Variants in ZC3H12B observed in about 807,000 individuals in gnomAD.
The protein encoded by ZC3H12B is probable ribonuclease ZC3H12B.
A neutral mutation model predicts 43.9 loss-of-function variants in ZC3H12B; 7 were observed. The observed-to-expected ratio is 0.16, with a 90% CI of 0.09 to 0.30. The LOEUF (loss-of-function observed/expected upper bound fraction) is 0.30. Ranked by LOEUF, ZC3H12B falls within the 10% of genes least tolerant of loss-of-function variation. The pLI, the probability that ZC3H12B is intolerant of heterozygous loss-of-function variation, is 1.00. For synonymous variants in ZC3H12B, 222 were observed against 241.7 expected (o/e 0.92, Z 0.76); for missense variants, 475 against 670.2 (o/e 0.71, Z 3.22).
chrX:65,212,314 T>A, the ZC3H12B span, among the ~76,000 whole-genome samples: 107 of 3,088 alleles, frequency 0.035, 3 homozygotes, highest in African/African-American at 0.13. Context: ...ATAATATAAT[T>A]ATTATATTTA....
the ZC3H12B span, among the ~76,000 whole-genome samples, chrX:65,219,060 CA>C: frequency 5.7e-4 from 63 of 111,399 alleles, 1 homozygote; most frequent in Admixed American, 8.6e-4. Context: ...TGGCTAGATC[CA>C]GAAGAGAAAT....
chrX:65,128,694 A>G, the ZC3H12B span, among the ~76,000 whole-genome samples: 9 of 111,838 alleles, frequency 8.0e-5, no homozygotes, highest in East Asian at 1.7e-3. Flanking sequence ...TTTCTTTTCA[A>G]TTCTCCTAGT....
the ZC3H12B span, among the ~76,000 whole-genome samples, chrX:65,149,755 C>G: frequency 3.3e-5 from 3 of 90,937 alleles, no homozygotes; most frequent in Non-Finnish European, 6.5e-5. Context: ...CAGAGTGAGA[C>G]TTAATCTCAA....
intron 3 of ZC3H12B, among the ~76,000 whole-genome samples, chrX:65,477,018 G>C (rs1426875837): frequency 1.0e-5 from 1 of 95,569 alleles, no homozygotes; most frequent in Non-Finnish European, 2.0e-5. Flanking sequence ...ATTTTTTGTA[G>C]AGATGCAGTT....
chrX:65,042,617 TG>T, the ZC3H12B span, among the ~76,000 whole-genome samples: 3 of 112,291 alleles, frequency 2.7e-5, no homozygotes, highest in Non-Finnish European at 5.6e-5. Context: ...AGAAATGCTT[TG>T]TGTAAGATGT....
At chrX:65,345,636 T>A in the ZC3H12B span, among the ~76,000 whole-genome samples, 72 of 110,681 alleles carry the variant, frequency 6.5e-4, no homozygotes, top group African/African-American at 2.3e-3. Context: ...GTACAACACA[T>A]CCCCATGACA....
At chrX:65,144,817 C>T in the ZC3H12B span, among the ~76,000 whole-genome samples, 2 of 111,515 alleles carry the variant, frequency 1.8e-5, no homozygotes, top group Admixed American at 9.5e-5. Context: ...TTTTATTCCA[C>T]TGTGGTCTGA....
At chrX:65,098,701 C>T in the ZC3H12B span, among the ~76,000 whole-genome samples, 1 of 110,646 alleles carries the variant, frequency 9.0e-6, no homozygotes, top group Non-Finnish European at 1.9e-5. Flanking sequence ...CTATCTGGCC[C>T]AGATAATACA....
the ZC3H12B span, among the ~76,000 whole-genome samples, chrX:65,039,777 T>C: frequency 8.9e-6 from 1 of 111,936 alleles, no homozygotes; most frequent in Non-Finnish European, 1.9e-5. Context: ...TCTTTTAAAA[T>C]ACTGTGACTA....
intron 3 of ZC3H12B, among the ~76,000 whole-genome samples, chrX:65,465,796 T>C (rs771862125): frequency 7.8e-4 from 87 of 110,900 alleles, no homozygotes; most frequent in Middle Eastern, 4.7e-3. Context: ...TTCTGCAGGT[T>C]ATATTAACAT....
chrX:65,057,105 A>G, the ZC3H12B span, among the ~76,000 whole-genome samples: 16 of 111,723 alleles, frequency 1.4e-4, no homozygotes, highest in African/African-American at 4.6e-4. Context: ...TAATATTGTT[A>G]TGTGTGAATT....
At chrX:65,154,470 G>T in the ZC3H12B span, among the ~76,000 whole-genome samples, 1 of 111,624 alleles carries the variant, frequency 9.0e-6, no homozygotes, top group Admixed American at 9.5e-5. Flanking sequence ...ATAATAATTT[G>T]TCAATAATTT....
the ZC3H12B span, among the ~76,000 whole-genome samples, chrX:65,135,302 C>G: frequency 3.2e-4 from 35 of 110,455 alleles, no homozygotes; most frequent in Admixed American, 9.6e-4. Context: ...TTGGAAAACT[C>G]AAGAGGAGAA....
At chrX:65,409,330 G>A (rs2066875188) in intron 3 of ZC3H12B, among the ~76,000 whole-genome samples, 1 of 110,688 alleles carries the variant, frequency 9.0e-6, no homozygotes, top group Non-Finnish European at 1.9e-5. Flanking sequence ...CAGCTCCACA[G>A]CAAGTATCAT....
At chrX:65,183,275 G>A in the ZC3H12B span, among the ~76,000 whole-genome samples, 1 of 111,842 alleles carries the variant, frequency 8.9e-6, no homozygotes, top group Non-Finnish European at 1.9e-5. Context: ...CAACATGGAT[G>A]GAGTTGGGTA....
chrX:65,114,026 T>TA, the ZC3H12B span, among the ~76,000 whole-genome samples: 1 of 82,590 alleles, frequency 1.2e-5, no homozygotes, highest in East Asian at 4.6e-4. Context: ...TATATATATA[T>TA]TCATCTTTAG....
At chrX:65,335,867 A>G in the ZC3H12B span, among the ~76,000 whole-genome samples, 1 of 112,108 alleles carries the variant, frequency 8.9e-6, no homozygotes, top group Non-Finnish European at 1.9e-5. Context: ...CCACGAAATC[A>G]TTTCAAGGTC....
At chrX:65,332,181 C>A in the ZC3H12B span, among the ~76,000 whole-genome samples, 2 of 110,276 alleles carry the variant, frequency 1.8e-5, no homozygotes, top group African/African-American at 3.3e-5. Context: ...AACCCTTAAT[C>A]TTAAGGGTTG....
the ZC3H12B span, among the ~76,000 whole-genome samples, chrX:65,303,618 G>A: frequency 8.9e-6 from 1 of 111,870 alleles, no homozygotes; most frequent in Non-Finnish European, 1.9e-5. Flanking sequence ...GCTTAGGTCT[G>A]CAATAAAATA....
Sources: gnomAD v4.1 joint callset for allele counts (sites outside exome capture counted in the v4.1 genomes callset) on GRCh38, gnomAD v4.1.1 for gene constraint, MANE v1.5 for transcripts, NCBI Gene and HGNC (gene_info 2026-07-23, HGNC 2026-07-21) for gene names.